CEBPD: variants seen among roughly 807,000 people sequenced by gnomAD.
CEBPD encodes CCAAT enhancer binding protein delta, also known as CCAAT/enhancer-binding protein delta.
For missense variants in CEBPD, 410 were observed against 409.4 expected (o/e 1.00, Z -0.01); for synonymous variants, 227 against 194.8 (o/e 1.17, Z -1.38).
chr8:47,737,880 G>T lies in CEBPD; in HGVS notation c.241C>A (p.Leu81Ile). The change falls in exon 1 of 1, where the codon CTC becomes ATC. Residue 81 changes from leucine to isoleucine, a missense_variant. Transcript: ENST00000408965. ...TTGCTGTTGAAGAGGTCGGCGAAGA[G>T]CTCGTCGTGGCACAGCTCCAGGGTG... The part of the protein sequence containing the change: ...VPTLELCHDE[L>I]FADLFNSNHK... 1 of 1,514,498 alleles carries T rather than the reference G, an allele frequency of 6.6e-7. No individual in the cohort carries two copies. Among genetic ancestry groups the T allele is most frequent in the Non-Finnish European group, 8.9e-7 (1 of 1,127,758 alleles). The allele number at this position is 1,514,498 out of a possible 1,614,324, so 93.8% of individuals were successfully genotyped here.
chr8:47,737,815 G>A lies in CEBPD; in HGVS notation c.306C>T (p.Pro102=), dbSNP rs139462088. The A allele has an allele frequency of 1.2e-5, 16 of 1,380,936 alleles. No homozygotes were observed. Among genetic ancestry groups the A allele is most frequent in the Admixed American group, 7.1e-5 (2 of 28,090 alleles). The allele number at this position is 1,380,936 out of a possible 1,614,324, so 85.5% of individuals were successfully genotyped here. Residue 102 remains proline, a synonymous_variant, in exon 1 of 1, where the codon CCC becomes CCT. Transcript: ENST00000408965. ...AGGAGPLELL[P]GGPARPLGPG... Reference sequence around the variant, plus strand: ...GGCCCAAGGGGCGCGCGGGGCCGCCGGGAAGAAGCTCCAGGGGCCCCGCGC... The same window carrying A: ...GGCCCAAGGGGCGCGCGGGGCCGCCAGGAAGAAGCTCCAGGGGCCCCGCGC...
At position 47,737,307 on chromosome 8, in the gene CEBPD, C is replaced by G. The variant is rs992000362; in HGVS notation, c.*4G>C. The G allele has an allele frequency of 1.9e-6, 3 of 1,586,642 alleles. No homozygotes were observed. Among genetic ancestry groups the G allele is most frequent in the Non-Finnish European group, 2.6e-6 (3 of 1,168,466 alleles). ...TGCTGAGTCTCTCCCGCCCCGGCCG[C>G]GCGTTACCGGCAGTCTGCTGTCCCG... On this transcript the variant is annotated 3_prime_UTR_variant, in exon 1 of 1. Transcript: ENST00000408965.
chr8:47,737,814 C>T lies in CEBPD; in HGVS notation c.307G>A (p.Gly103Ser). Reference sequence around the variant, plus strand: ...GGGCCCAAGGGGCGCGCGGGGCCGCCGGGAAGAAGCTCCAGGGGCCCCGCG... The same window carrying T: ...GGGCCCAAGGGGCGCGCGGGGCCGCTGGGAAGAAGCTCCAGGGGCCCCGCG... ...GGAGPLELLP[G>S]GPARPLGPGP... is the part of the protein sequence containing the mutation. Residue 103 changes from glycine (G) to serine (S), a missense_variant, in exon 1 of 1, where the codon GGC becomes AGC. Transcript: ENST00000408965. 1 of 1,381,910 alleles carries T rather than the reference C, an allele frequency of 7.2e-7. No homozygotes were observed. Among genetic ancestry groups the T allele is most frequent in the Non-Finnish European group, 9.3e-7 (1 of 1,069,760 alleles). 85.6% of individuals were successfully genotyped at this position (1,381,910 alleles called of 1,614,324 possible).
chr8:47,737,027 G>GT lies in CEBPD; in HGVS notation c.*283_*284insA. The GT allele has an allele frequency of 2.6e-6, 1 of 388,418 alleles. No homozygotes were observed. The highest frequency in any genetic ancestry group is 4.6e-6 in the Non-Finnish European group (1 of 219,330). 24.1% of individuals were successfully genotyped at this position (388,418 alleles called of 1,614,324 possible). A position where few individuals can be genotyped will look rare whatever the true frequency, so the allele number is the denominator to read the frequency against. On this transcript the variant is annotated 3_prime_UTR_variant, in exon 1 of 1. Coordinates refer to ENST00000408965, the MANE Select transcript of CEBPD (RefSeq NM_005195.4). ...TACAAAGGGTTTGTCTGAAAAGTCT[G>GT]GTTTTTTTTCTTTTTACAAATGTAC...
Position 47,737,984 on chromosome 8 carries a change from C to A in CEBPD, c.137G>T (p.Gly46Val), listed in dbSNP as rs1038005895. 1.4e-5 allele frequency: 20 copies of A among 1,461,158 alleles called. No individual in the cohort carries two copies. Among genetic ancestry groups the A allele is most frequent in the Non-Finnish European group, 1.8e-5 (20 of 1,101,780 alleles). 90.5% of individuals were successfully genotyped at this position (1,461,158 alleles called of 1,614,324 possible). ...GAEPGALGEP[G>V]AAAPAMYDDE... is the part of the protein sequence containing the mutation. Reference sequence around the variant, plus strand: ...GTCGTACATGGCGGGGGCGGCGGCGCCTGGCTCGCCTAGGGCCCCTGGCTC... The same window carrying A: ...GTCGTACATGGCGGGGGCGGCGGCGACTGGCTCGCCTAGGGCCCCTGGCTC... Residue 46 changes from glycine to valine, a missense_variant, in exon 1 of 1, where the codon GGC becomes GTC. Gly to Val is a moderately radical substitution (Grantham distance 109). Coordinates refer to ENST00000408965, the MANE Select transcript of CEBPD (RefSeq NM_005195.4).
Position 47,737,341 on chromosome 8 carries a change from C to A in CEBPD, c.780G>T (p.Leu260=). The A allele has an allele frequency of 6.3e-7, 1 of 1,595,440 alleles. No homozygotes were observed. The highest frequency in any genetic ancestry group is 8.5e-7 in the Non-Finnish European group (1 of 1,173,216). ...FFKQLPSPPF[L]PAAGTADCR ...GGCAGTCTGCTGTCCCGGCGGCCGG[C>A]AGGAAGGGCGGGCTGGGCAGCTGCT... The change falls in exon 1 of 1, where the codon CTG becomes CTT. Residue 260 remains leucine, a synonymous_variant. Transcript: ENST00000408965.
In CEBPD at chr8:47,737,527, G is replaced by A; in HGVS notation, c.594C>T (p.Arg198=). Reference sequence around the variant, plus strand: ...TGCGCACGGCGATGTTGTTGCGCTCGCGCCGCTGCCGGTACTCGGGGCTGC... The same window carrying A: ...TGCGCACGGCGATGTTGTTGCGCTCACGCCGCTGCCGGTACTCGGGGCTGC... The part of the protein sequence containing the change: ...DRGSPEYRQR[R]ERNNIAVRKS... Residue 198 remains arginine, a synonymous_variant, in exon 1 of 1, where the codon CGC becomes CGT. Coordinates refer to ENST00000408965, the MANE Select transcript of CEBPD (RefSeq NM_005195.4). 1.2e-6 allele frequency: 2 copies of A among 1,603,110 alleles called. No homozygotes were observed. The highest frequency in any genetic ancestry group is 1.7e-6 in the Non-Finnish European group (2 of 1,177,228).
Position 47,737,072 on chromosome 8 carries a change from G to A in CEBPD, c.*239C>T, listed in dbSNP as rs11539253. 4.5e-3 allele frequency: 2,095 copies of A among 466,338 alleles called. 5 individuals carry two copies. The highest frequency in any genetic ancestry group is 6.0e-3 in the Non-Finnish European group (1,589 of 265,928). 28.9% of individuals were successfully genotyped at this position (466,338 alleles called of 1,614,324 possible). A position where few individuals can be genotyped will look rare whatever the true frequency, so the allele number is the denominator to read the frequency against. Reference sequence around the variant, plus strand: ...ATGTACCTTAGCTGCATCAACAGGAGTAAGATGTAGAAAAAGCTACCATTA... The same window carrying A: ...ATGTACCTTAGCTGCATCAACAGGAATAAGATGTAGAAAAAGCTACCATTA... On this transcript the variant is annotated 3_prime_UTR_variant, in exon 1 of 1. Coordinates refer to ENST00000408965, the MANE Select transcript of CEBPD (RefSeq NM_005195.4).
In CEBPD at chr8:47,737,456, T is replaced by G; in HGVS notation, c.665A>C (p.Lys222Thr). Residue 222 changes from lysine (K) to threonine (T), a missense_variant, in exon 1 of 1, where the codon AAG becomes ACG. By Grantham distance (78) the Lys-to-Thr change is moderately conservative (BLOSUM62 -1). Transcript: ENST00000408965. ...GTTCTCAGCCGACAGCTCCACCAACTTCTGCTGCATCTCCTGGTTGCGCCG... is the reference window on the plus strand; with the variant it reads ...GTTCTCAGCCGACAGCTCCACCAACGTCTGCTGCATCTCCTGGTTGCGCCG... ...AKRRNQEMQQ[K>T]LVELSAENEK... 6.2e-7 allele frequency: 1 copy of G among 1,608,488 alleles called. No homozygotes were observed. The highest frequency in any genetic ancestry group is 8.5e-7 in the Non-Finnish European group (1 of 1,178,940).
chr8:47,737,012 TTGTC>T lies in CEBPD; in HGVS notation c.*295_*298del, dbSNP rs749399932. ...TCCTCTTATCTACAATACAAAGGGTTTGTCTGAAAAGTCTGGTTTTTTTTCTTTT... is the reference window on the plus strand; with the variant it reads ...TCCTCTTATCTACAATACAAAGGGTTTGAAAAGTCTGGTTTTTTTTCTTTT... On this transcript the variant is annotated 3_prime_UTR_variant, in exon 1 of 1. Transcript: ENST00000408965. 6.3e-5 allele frequency: 23 copies of T among 363,850 alleles called. No homozygotes were observed. Among genetic ancestry groups the T allele is most frequent in the Non-Finnish European group, 1.0e-4 (21 of 204,100 alleles). 22.5% of individuals were successfully genotyped at this position (363,850 alleles called of 1,614,324 possible).
Position 47,738,156 on chromosome 8 carries a change from C to G in CEBPD, c.-36G>C. 8.7e-7 allele frequency: 1 copy of G among 1,144,458 alleles called. No individual in the cohort carries two copies. The highest frequency in any genetic ancestry group is 1.1e-6 in the Non-Finnish European group (1 of 928,068). The allele number at this position is 1,144,458 out of a possible 1,614,324, so 70.9% of individuals were successfully genotyped here. A position where few individuals can be genotyped will look rare whatever the true frequency, so the allele number is the denominator to read the frequency against. ...GGCCGGGCTCTGCGTCCAAGCGAGG[C>G]TGTCACCTCGCTGGGCCCAGCCCCG... On this transcript the variant is annotated 5_prime_UTR_variant, in exon 1 of 1. Transcript: ENST00000408965. The surrounding 1 kb of genome is among the most constrained non-coding windows in gnomAD (Gnocchi z 4.1).
At position 47,737,458 on chromosome 8, in the gene CEBPD, C is replaced by G. The variant is rs1279912228; in HGVS notation, c.663G>C (p.Gln221His). The G allele has an allele frequency of 3.1e-6, 5 of 1,608,454 alleles. No individual in the cohort carries two copies. The highest frequency in any genetic ancestry group is 1.3e-5 in the African/African-American group (1 of 74,388). The change falls in exon 1 of 1, where the codon CAG becomes CAC. Residue 221 changes from glutamine (Q) to histidine (H), a missense_variant. Gln to His is a conservative substitution (Grantham distance 24). Coordinates refer to ENST00000408965, the MANE Select transcript of CEBPD (RefSeq NM_005195.4). The part of the protein sequence containing the change: ...KAKRRNQEMQ[Q>H]KLVELSAENE... ...TCTCAGCCGACAGCTCCACCAACTTCTGCTGCATCTCCTGGTTGCGCCGCT... is the reference window on the plus strand; with the variant it reads ...TCTCAGCCGACAGCTCCACCAACTTGTGCTGCATCTCCTGGTTGCGCCGCT...
At position 47,737,899 on chromosome 8, in the gene CEBPD, C is replaced by T. The variant is rs773383543; in HGVS notation, c.222G>A (p.Leu74=). The part of the protein sequence containing the change: ...YIDSMAAVPT[L]ELCHDELFAD... ...CGAAGAGCTCGTCGTGGCACAGCTC[C>T]AGGGTGGGCACGGCGGCCATGGAGT... Residue 74 remains leucine, a synonymous_variant, in exon 1 of 1, where the codon CTG becomes CTA. Coordinates refer to ENST00000408965, the MANE Select transcript of CEBPD (RefSeq NM_005195.4). The T allele has an allele frequency of 2.0e-6, 3 of 1,511,240 alleles. No homozygotes were observed. The highest frequency in any genetic ancestry group is 2.7e-6 in the Non-Finnish European group (3 of 1,125,382). 93.6% of individuals were successfully genotyped at this position (1,511,240 alleles called of 1,614,324 possible).
chr8:47,738,062 T>C lies in CEBPD; in HGVS notation c.59A>G (p.Glu20Gly). The change falls in exon 1 of 1, where the codon GAG (glutamate) becomes GGG (glycine). Residue 20 changes from glutamate to glycine, a missense_variant. By Grantham distance (98) the Glu-to-Gly change is moderately conservative. Transcript: ENST00000408965. The surrounding 1 kb of genome is among the most constrained non-coding windows in gnomAD (Gnocchi z 4.1). ...GPARGAPWPAEPAPFYEPGRA... is the reference protein window; with the variant it reads ...GPARGAPWPAGPAPFYEPGRA... ...GCCCGGTTCGTAGAAGGGCGCAGGC[T>C]CCGCAGGCCAGGGCGCGCCGCGCGC... 8.1e-7 allele frequency: 1 copy of C among 1,229,012 alleles called. No homozygotes were observed. 76.1% of individuals were successfully genotyped at this position (1,229,012 alleles called of 1,614,324 possible). A position where few individuals can be genotyped will look rare whatever the true frequency, so the allele number is the denominator to read the frequency against.
chr8:47,738,136 G>C lies in CEBPD; in HGVS notation c.-16C>G. On this transcript the variant is annotated 5_prime_UTR_variant, in exon 1 of 1. Coordinates refer to ENST00000408965, the MANE Select transcript of CEBPD (RefSeq NM_005195.4). This position sits in a 1 kb window ranked among gnomAD's most constrained non-coding sequence, Gnocchi z 4.1. ...CGGCGCTCATGGCGGCGTCGGGCCGGGCTCTGCGTCCAAGCGAGGCTGTCA... is the reference window on the plus strand; with the variant it reads ...CGGCGCTCATGGCGGCGTCGGGCCGCGCTCTGCGTCCAAGCGAGGCTGTCA... 1 of 1,168,996 alleles carries C rather than the reference G, an allele frequency of 8.6e-7. No individual in the cohort carries two copies. Among genetic ancestry groups the C allele is most frequent in the South Asian group, 4.2e-5 (1 of 23,580 alleles). 72.4% of individuals were successfully genotyped at this position (1,168,996 alleles called of 1,614,324 possible).
In CEBPD at chr8:47,737,903, G is replaced by A; in HGVS notation, c.218C>T (p.Thr73Ile). Residue 73 changes from threonine (T) to isoleucine (I), a missense_variant, in exon 1 of 1, where the codon ACC becomes ATC. Coordinates refer to ENST00000408965, the MANE Select transcript of CEBPD (RefSeq NM_005195.4). ...AYIDSMAAVP[T>I]LELCHDELFA... is the part of the protein sequence containing the mutation. ...GAGCTCGTCGTGGCACAGCTCCAGG[G>A]TGGGCACGGCGGCCATGGAGTCGAT... 1.3e-6 allele frequency: 2 copies of A among 1,511,318 alleles called. No individual in the cohort carries two copies. The highest frequency in any genetic ancestry group is 8.9e-7 in the Non-Finnish European group (1 of 1,125,408). 93.6% of individuals were successfully genotyped at this position (1,511,318 alleles called of 1,614,324 possible).
At position 47,737,265 on chromosome 8, in the gene CEBPD, TCTGAGGTATGGGTCGTTG is replaced by T; in HGVS notation, c.*28_*45del. 4 of 1,502,706 alleles carry T rather than the reference TCTGAGGTATGGGTCGTTG, an allele frequency of 2.7e-6. No homozygotes were observed. Among genetic ancestry groups the T allele is most frequent in the Non-Finnish European group, 3.6e-6 (4 of 1,121,452 alleles). 93.1% of individuals were successfully genotyped at this position (1,502,706 alleles called of 1,614,324 possible). ...GCGCGCTCCGCTCCGGGCCGTCGGGTCTGAGGTATGGGTCGTTGCTGAGTCTCTCCCGCCCCGGCCGCG... is the reference window on the plus strand; with the variant it reads ...GCGCGCTCCGCTCCGGGCCGTCGGGTCTGAGTCTCTCCCGCCCCGGCCGCG... On this transcript the variant is annotated 3_prime_UTR_variant, in exon 1 of 1. Transcript: ENST00000408965.
Position 47,737,434 on chromosome 8 carries a change from C to T in CEBPD, c.687G>A (p.Glu229=), listed in dbSNP as rs1373843175. 1.9e-6 allele frequency: 3 copies of T among 1,607,424 alleles called. No homozygotes were observed. The highest frequency in any genetic ancestry group is 2.5e-6 in the Non-Finnish European group (3 of 1,178,566). Residue 229 remains glutamate, a synonymous_variant, in exon 1 of 1, where the codon GAG becomes GAA. Coordinates refer to ENST00000408965, the MANE Select transcript of CEBPD (RefSeq NM_005195.4). ...CCACGCGCTGGTGCAGCTTCTCGTTCTCAGCCGACAGCTCCACCAACTTCT... is the reference window on the plus strand; with the variant it reads ...CCACGCGCTGGTGCAGCTTCTCGTTTTCAGCCGACAGCTCCACCAACTTCT... ...MQQKLVELSA[E]NEKLHQRVEQ...
Position 47,737,224 on chromosome 8 carries a change from G to T in CEBPD, c.*87C>A. 1 of 1,289,986 alleles carries T rather than the reference G, an allele frequency of 7.8e-7. No homozygotes were observed. Among genetic ancestry groups the T allele is most frequent in the Non-Finnish European group, 1.0e-6 (1 of 965,388 alleles). 79.9% of individuals were successfully genotyped at this position (1,289,986 alleles called of 1,614,324 possible). ...CTGCAGCGGGCACCCGGCGGCTCTG[G>T]CTGCGCCAGGGCAGGGCGCGCTCCG... On this transcript the variant is annotated 3_prime_UTR_variant, in exon 1 of 1. Transcript: ENST00000408965.
Sources: allele counts gnomAD v4.1 joint callset, GRCh38; gene constraint gnomAD v4.1.1; non-coding constraint Gnocchi (gnomAD v3.1); transcripts MANE v1.5; gene names NCBI Gene and HGNC (gene_info 2026-07-23, HGNC 2026-07-21).